Variants in PCDHA13 observed in about 807,000 individuals in gnomAD.
The protein encoded by PCDHA13 is protocadherin alpha 13, also known as protocadherin alpha-13.
A neutral mutation model predicts 64.8 loss-of-function variants in PCDHA13; 54 were observed. The observed-to-expected ratio is 0.83, with a 90% CI of 0.67 to 1.04. The LOEUF is 1.04. Among genes scored for constraint, PCDHA13 ranks in the 50% least tolerant of loss-of-function variants. The pLI is 0.00. For synonymous variants in PCDHA13, 587 were observed against 564.4 expected, an observed-to-expected ratio of 1.04 and a Z score of -0.57; for missense variants, 1,248 against 1,254.3, an observed-to-expected ratio of 0.99 and a Z score of 0.08.
Position 140,884,204 on chromosome 5 carries a change from C to T in PCDHA13, c.1936C>T (p.Arg646Cys). The T allele has an allele frequency of 6.2e-7, 1 of 1,613,500 alleles. No homozygotes were observed. The highest frequency in any genetic ancestry group is 8.5e-7 in the Non-Finnish European group (1 of 1,179,758). The change falls in exon 1 of 4, where the codon CGC becomes TGC. Residue 646 changes from arginine (R) to cysteine (C), a missense_variant. Physicochemically the swap from Arg to Cys is radical, Grantham distance 180 (BLOSUM62 -3). Transcript: ENST00000289272. ...GGACGAGGTGGACGCGCCGCACCAC[C>T]GCCTTCTGGTGCTGGTGAAGGACCA... ...PLDEVDAPHH[R>C]LLVLVKDHGE... is the part of the protein sequence containing the mutation.
At chr5:140,909,961 A>G (rs1407330494) in intron 1 of PCDHA13, among the ~76,000 whole-genome samples, 2 of 152,206 alleles carry the variant, frequency 1.3e-5, no homozygotes, top group Non-Finnish European at 2.9e-5. Flanking sequence ...GTAGGTCTCC[A>G]TGGGGAAGGA....
At chr5:140,968,729 A>G (rs1563381706) in intron 1 of PCDHA13, 1 of 1,614,134 alleles carries the variant, frequency 6.2e-7, no homozygotes, top group Non-Finnish European at 8.5e-7. Flanking sequence ...GAGTGGTAGC[A>G]CTTTCAACCT....
At chr5:140,917,278 C>T (rs188364646) in intron 1 of PCDHA13, among the ~76,000 whole-genome samples, 198 of 143,570 alleles carry the variant, frequency 1.4e-3, no homozygotes, top group South Asian at 9.8e-3. Flanking sequence ...TTTGTAATGA[C>T]GCTTTTCCGT....
At chr5:140,937,736 C>T (rs778178538) in intron 1 of PCDHA13, among the ~76,000 whole-genome samples, 84 of 151,896 alleles carry the variant, frequency 5.5e-4, no homozygotes, top group Non-Finnish European at 1.1e-3. Context: ...CACGGTGAAA[C>T]CCCGTCTCTA....
Position 141,009,469 on chromosome 5 carries a change from A to G in PCDHA13, c.2543-158A>G, listed in dbSNP as rs1440766583. On this transcript the variant is annotated intron_variant, in intron 3 of 3. Transcript: ENST00000289272. Reference sequence around the variant, plus strand: ...AAAAAAATTAAACAAATAAATAAATAAGTAAACACTTGCCTTGCCCTCAGA... The same window carrying G: ...AAAAAAATTAAACAAATAAATAAATGAGTAAACACTTGCCTTGCCCTCAGA... 6 of 956,242 alleles carry G rather than the reference A, an allele frequency of 6.3e-6. No homozygotes were observed. The African/African-American group carries it at 7.1e-5, about 11-fold the overall frequency. 59.2% of individuals were successfully genotyped at this position (956,242 alleles called of 1,614,324 possible). A position where few individuals can be genotyped will look rare whatever the true frequency, so the allele number is the denominator to read the frequency against.
At chr5:140,897,872 A>G (rs1327007992) in intron 1 of PCDHA13, among the ~76,000 whole-genome samples, 1 of 152,068 alleles carries the variant, frequency 6.6e-6, no homozygotes, top group Non-Finnish European at 1.5e-5. Context: ...CTTTTTAATG[A>G]TTGCCATTCT....
intron 1 of PCDHA13, among the ~76,000 whole-genome samples, chr5:140,898,901 T>C (rs1196685970): frequency 7.9e-5 from 12 of 152,172 alleles, no homozygotes; most frequent in Admixed American, 7.9e-4. Context: ...GAAGAGGTCC[T>C]TCACGTCCCT....
intron 1 of PCDHA13, among the ~76,000 whole-genome samples, chr5:140,940,458 C>T (rs1041159084): frequency 4.0e-5 from 6 of 151,806 alleles, no homozygotes; most frequent in African/African-American, 1.5e-4. Context: ...TTATAGGTTT[C>T]TGTTCCCTGC....
rs782237873 is a variant in PCDHA13 at position 140,883,109 on chromosome 5, T to A, written c.841T>A (p.Phe281Ile). 1 of 1,613,962 alleles carries A rather than the reference T, an allele frequency of 6.2e-7. No homozygotes were observed. The highest frequency in any genetic ancestry group is 8.5e-7 in the Non-Finnish European group (1 of 1,180,020). ...TACAAATGGAGATATAGTTTACTCATTTAGAAGGCCTGTATGGCCTGCAGT... is the reference window on the plus strand; with the variant it reads ...TACAAATGGAGATATAGTTTACTCAATTAGAAGGCCTGTATGGCCTGCAGT... ...DGTNGDIVYS[F>I]RRPVWPAVVY... The change falls in exon 1 of 4, where the codon TTT becomes ATT. Residue 281 changes from phenylalanine to isoleucine, a missense_variant. By Grantham distance (21) the Phe-to-Ile change is conservative (BLOSUM62 0). Coordinates refer to ENST00000289272, the MANE Select transcript of PCDHA13 (RefSeq NM_018904.3).
intron 1 of PCDHA13, among the ~76,000 whole-genome samples, chr5:140,938,945 T>A (rs1390189208): frequency 6.6e-6 from 1 of 152,154 alleles, no homozygotes; most frequent in African/African-American, 2.4e-5. Context: ...TCCATTCTTA[T>A]AATGCTCTAG....
At chr5:140,909,043 C>T (rs2074280472) in intron 1 of PCDHA13, among the ~76,000 whole-genome samples, 1 of 152,188 alleles carries the variant, frequency 6.6e-6, no homozygotes, top group Non-Finnish European at 1.5e-5. Flanking sequence ...TTTCCATACT[C>T]TGGCATGCAA....
At chr5:140,986,151 G>A (rs547474191) in intron 3 of PCDHA13, among the ~76,000 whole-genome samples, 1 of 152,198 alleles carries the variant, frequency 6.6e-6, no homozygotes, top group African/African-American at 2.4e-5. Flanking sequence ...GCATCACCAA[G>A]TAATGTTTTC....
chr5:140,923,055 A>G (rs1233279179), intron 1 of PCDHA13, among the ~76,000 whole-genome samples: 1 of 152,236 alleles, frequency 6.6e-6, no homozygotes, highest in African/African-American at 2.4e-5. Flanking sequence ...TTTAGAATAA[A>G]AGAGCTAGGT....
chr5:140,951,183 G>A (rs1554219780), intron 1 of PCDHA13, among the ~76,000 whole-genome samples: 3 of 151,518 alleles, frequency 2.0e-5, no homozygotes, highest in Admixed American at 6.6e-5. Flanking sequence ...GTCATTGTCC[G>A]CTAATTCCCA....
Position 140,978,996 on chromosome 5 carries a change from A to C in PCDHA13, c.2442A>C (p.Ala814=). Residue 814 remains alanine, a synonymous_variant, in exon 2 of 4, where the codon GCA becomes GCC. Transcript: ENST00000289272. ...GGCGTTACTCTGCCTCCCTGAGAGC[A>C]GGCATGCACAGGTATGTATTTCCCT... ...PDWRYSASLR[A]GMHSSVHLEE... is the part of the protein sequence containing the mutation. 6.2e-7 allele frequency: 1 copy of C among 1,614,186 alleles called. No individual in the cohort carries two copies. The highest frequency in any genetic ancestry group is 8.5e-7 in the Non-Finnish European group (1 of 1,180,024).
In PCDHA13 at chr5:141,011,200, A is replaced by C. The variant is rs1242625146; in HGVS notation, c.*1263A>C. 6.5e-6 allele frequency: 1 copy of C among 153,774 alleles called. No individual in the cohort carries two copies. Among genetic ancestry groups the C allele is most frequent in the Non-Finnish European group, 1.5e-5 (1 of 68,036 alleles). The allele number at this position is 153,774 out of a possible 1,614,324, so 9.5% of individuals were successfully genotyped here. ...AATTGAAGAAAAATATTGTTTTCTCATACAGTGAGCAGATTTTTCAATCTA... is the reference window on the plus strand; with the variant it reads ...AATTGAAGAAAAATATTGTTTTCTCCTACAGTGAGCAGATTTTTCAATCTA... On this transcript the variant is annotated 3_prime_UTR_variant, in exon 4 of 4. Transcript: ENST00000289272.
At chr5:140,970,135 G>C (rs1317802980) in intron 1 of PCDHA13, among the ~76,000 whole-genome samples, 1 of 152,016 alleles carries the variant, frequency 6.6e-6, no homozygotes, top group Non-Finnish European at 1.5e-5. Context: ...GAAGAGAAGG[G>C]AAAAAGAATT....
At chr5:140,951,876 G>A (rs1554220112) in intron 1 of PCDHA13, among the ~76,000 whole-genome samples, 1 of 152,094 alleles carries the variant, frequency 6.6e-6, no homozygotes, top group East Asian at 1.9e-4. Context: ...CTGAGACAAG[G>A]CAACTCTCTT....
rs192969362 is a variant in PCDHA13 at position 140,893,205 on chromosome 5, T to C, written c.2394+8543T>C. On this transcript the variant is annotated intron_variant, in intron 1 of 3. Transcript: ENST00000289272. ...CTATTGTGAATAGTGCTGCAGTAAG[T>C]ATGGGAGGTGCAGGTATCACTTTGA... Among the ~76,000 whole-genome samples, 9 of 152,220 alleles carry C rather than the reference T, an allele frequency of 5.9e-5. No homozygotes were observed. The East Asian group carries it at 9.6e-4, about 16-fold the overall frequency.
Sources: allele counts gnomAD v4.1 joint callset (sites outside exome capture counted in the v4.1 genomes callset), GRCh38; gene constraint gnomAD v4.1.1; transcripts MANE v1.5; gene names NCBI Gene and HGNC (gene_info 2026-07-23, HGNC 2026-07-21).